Variants in ZMIZ1 observed in about 807,000 individuals in gnomAD.
The protein encoded by ZMIZ1 is zinc finger MIZ-type containing 1.
In ZMIZ1, 17 loss-of-function variants were observed where a neutral mutation model predicts 113.9. The ratio of observed to expected loss-of-function variants is 0.15; its 90% CI spans 0.10 to 0.22. ZMIZ1 has a LOEUF of 0.22. Among genes scored for constraint, ZMIZ1 ranks in the 10% least tolerant of loss-of-function variants. The pLI is 1.00. For synonymous variants in ZMIZ1, 607 were observed against 603.1 expected, an observed-to-expected ratio of 1.01 and a Z score of -0.09; for missense variants, 1,059 against 1,477.8, an observed-to-expected ratio of 0.72 and a Z score of 4.65.
At chr10:79,307,032 C>A (rs1305518316) in intron 22 of ZMIZ1, among the ~76,000 whole-genome samples, 2 of 152,222 alleles carry the variant, frequency 1.3e-5, no homozygotes, top group Admixed American at 1.3e-4. Context: ...CTTGGCAGAA[C>A]ATGCACCCAC....
chr10:79,268,738 G>A (rs1851753049), intron 7 of ZMIZ1, among the ~76,000 whole-genome samples: 1 of 152,198 alleles, frequency 6.6e-6, no homozygotes, highest in East Asian at 1.9e-4. Context: ...CCATCTACCA[G>A]GCCCTGTGCA....
At chr10:79,285,640 G>A in intron 8 of ZMIZ1, 1 of 449,240 alleles carries the variant, frequency 2.2e-6, no homozygotes, top group Non-Finnish European at 4.5e-6. Flanking sequence ...CAGAGAGGTG[G>A]TTTCTCCCTG....
chr10:79,292,695 T>C (rs2132034476), intron 11 of ZMIZ1: 1 of 483,236 alleles, frequency 2.1e-6, no homozygotes, highest in Non-Finnish European at 4.0e-6. Flanking sequence ...GCTCAATGTC[T>C]AAAAATAGTC....
At chr10:79,117,460 T>C (rs1844092111) in intron 1 of ZMIZ1, among the ~76,000 whole-genome samples, 1 of 152,250 alleles carries the variant, frequency 6.6e-6, no homozygotes, top group Non-Finnish European at 1.5e-5. Context: ...TGGATGAAGT[T>C]GCAGATCACT....
intron 3 of ZMIZ1, among the ~76,000 whole-genome samples, chr10:79,157,157 C>T (rs1415802644): frequency 6.6e-6 from 1 of 152,138 alleles, no homozygotes; most frequent in Non-Finnish European, 1.5e-5. Context: ...CCTGTTCTGC[C>T]ACTGTGTGAT....
intron 1 of ZMIZ1, among the ~76,000 whole-genome samples, chr10:79,079,645 G>T (rs898858872): frequency 6.6e-6 from 1 of 152,156 alleles, no homozygotes; most frequent in Non-Finnish European, 1.5e-5. Context: ...GGGCCGGGGG[G>T]GTCCAGGGAA....
At chr10:79,307,268 C>T in intron 22 of ZMIZ1, 137 bp from the exon 23 acceptor site, 3 of 817,444 alleles carry the variant, frequency 3.7e-6, no homozygotes, top group Non-Finnish European at 5.8e-6. Flanking sequence ...GCCCGGAAGC[C>T]TCGGGCTGCT....
At chr10:79,162,378 A>G (rs1335577433) in intron 4 of ZMIZ1, among the ~76,000 whole-genome samples, 5 of 152,292 alleles carry the variant, frequency 3.3e-5, no homozygotes, top group African/African-American at 1.2e-4. Context: ...TGGGGGCTGC[A>G]GGTCTGCCCG....
chr10:79,184,412 A>T (rs1847263198), intron 4 of ZMIZ1, among the ~76,000 whole-genome samples: 1 of 152,202 alleles, frequency 6.6e-6, no homozygotes. Context: ...CAGGTCACTT[A>T]ACCCCTCAAT....
In ZMIZ1 at chr10:79,143,808, G is replaced by A. The variant is rs572245223; in HGVS notation, c.-131+4031G>A. Among the ~76,000 whole-genome samples the A allele has an allele frequency of 5.5e-4, 83 of 152,268 alleles. 1 individual carries two copies. Among genetic ancestry groups the A allele is most frequent in the African/African-American group, 1.8e-3 (74 of 41,552 alleles). The stretch of plus-strand genomic sequence containing the variant: ...AGGGGCTGGGGGGTGGGGGTGGAGA[G>A]AAGAGTGTGTCCAGGCGAAGGAGAC... On this transcript the variant is annotated intron_variant, in intron 3 of 24. Coordinates refer to ENST00000334512, the MANE Select transcript of ZMIZ1 (RefSeq NM_020338.4).
At position 79,299,031 on chromosome 10, in the gene ZMIZ1, C is replaced by T; in HGVS notation, c.1667-19C>T. 1 of 1,595,142 alleles carries T rather than the reference C, an allele frequency of 6.3e-7. No homozygotes were observed. Reference sequence around the variant, plus strand: ...GCAGCTGAGGCTTGTGGCTCACCCACCTCCTCTCCTCGCCCCAGCCAACCA... The same window carrying T: ...GCAGCTGAGGCTTGTGGCTCACCCATCTCCTCTCCTCGCCCCAGCCAACCA... On this transcript the variant is annotated intron_variant, in intron 15 of 24. Transcript: ENST00000334512.
intron 1 of ZMIZ1, among the ~76,000 whole-genome samples, chr10:79,113,355 T>G (rs1564657542): frequency 6.6e-6 from 1 of 152,248 alleles, no homozygotes; most frequent in Non-Finnish European, 1.5e-5. Context: ...TTAGGTGTCC[T>G]GAGTCAGAGC....
intron 5 of ZMIZ1, among the ~76,000 whole-genome samples, chr10:79,204,330 T>A (rs968180071): frequency 2.6e-5 from 4 of 152,202 alleles, no homozygotes; most frequent in African/African-American, 9.7e-5. Context: ...TTGCCCCTTC[T>A]CAGCCTCTTG....
In ZMIZ1 at chr10:79,300,727, C is replaced by T. The variant is rs376289381; in HGVS notation, c.1809-5C>T. ...CTGCCCTGAGCACCCTCGTTCCCCA[C>T]CTAGGTCTGACCTGGAGCTGCAGTT... On this transcript the variant is annotated splice_region_variant and splice_polypyrimidine_tract_variant and intron_variant, in intron 16 of 24. Coordinates refer to ENST00000334512, the MANE Select transcript of ZMIZ1 (RefSeq NM_020338.4). The T allele has an allele frequency of 5.0e-6, 8 of 1,613,280 alleles. No homozygotes were observed. The highest frequency in any genetic ancestry group is 6.8e-6 in the Non-Finnish European group (8 of 1,179,966).
intron 4 of ZMIZ1, among the ~76,000 whole-genome samples, chr10:79,190,715 C>T (rs1847563035): frequency 2.0e-5 from 3 of 152,312 alleles, no homozygotes; most frequent in South Asian, 4.1e-4. Flanking sequence ...AGAGCCTCAA[C>T]TTTCTCATCC....
chr10:79,190,668 C>G (rs1042501884), intron 4 of ZMIZ1, among the ~76,000 whole-genome samples: 1 of 152,192 alleles, frequency 6.6e-6, no homozygotes, highest in African/African-American at 2.4e-5. Context: ...GTCATTCACA[C>G]CCCCTGTGTG....
At chr10:79,181,920 G>T (rs1445337089) in intron 4 of ZMIZ1, among the ~76,000 whole-genome samples, 2 of 152,234 alleles carry the variant, frequency 1.3e-5, no homozygotes, top group Admixed American at 1.3e-4. Flanking sequence ...TGCTGGACAA[G>T]GCTGTCATTT....
intron 8 of ZMIZ1, among the ~76,000 whole-genome samples, chr10:79,277,985 T>C (rs923745553): frequency 1.3e-5 from 2 of 152,224 alleles, no homozygotes; most frequent in African/African-American, 4.8e-5. Flanking sequence ...CCCCTGTGTG[T>C]GTCTCCGCTA....
At chr10:79,207,985 G>C (rs971304317) in intron 5 of ZMIZ1, among the ~76,000 whole-genome samples, 3 of 151,306 alleles carry the variant, frequency 2.0e-5, no homozygotes, top group Non-Finnish European at 2.9e-5. Context: ...TTAGTCACCA[G>C]CCTTCTCTAG....
Sources: gnomAD v4.1 joint callset for allele counts (sites outside exome capture counted in the v4.1 genomes callset) on GRCh38, gnomAD v4.1.1 for gene constraint, MANE v1.5 for transcripts, NCBI Gene and HGNC (gene_info 2026-07-23, HGNC 2026-07-21) for gene names.